Variants in RASEF observed in about 807,000 individuals in gnomAD.
The protein encoded by RASEF is ras and EF-hand domain-containing protein.
RASEF carries 68 observed loss-of-function variants against 90.1 expected under a neutral mutation model. That is an observed-to-expected ratio of 0.75 (90% CI 0.62 to 0.92). RASEF has a LOEUF of 0.92. Among genes scored for constraint, RASEF ranks in the 40% least tolerant of loss-of-function variants. RASEF has a pLI of 0.00. For synonymous variants in RASEF, 331 were observed against 345.2 expected, an observed-to-expected ratio of 0.96 and a Z score of 0.46; for missense variants, 949 against 937.2, an observed-to-expected ratio of 1.01 and a Z score of -0.16.
chr9:83,110,308 A>AC, the RASEF span, among the ~76,000 whole-genome samples: 1 of 152,020 alleles, frequency 6.6e-6, no homozygotes, highest in Non-Finnish European at 1.5e-5. Context: ...GGTTCTTATC[A>AC]CCCCTTCCCA....
the RASEF span, among the ~76,000 whole-genome samples, chr9:83,094,971 GA>G: frequency 5.9e-5 from 9 of 152,174 alleles, no homozygotes; most frequent in African/African-American, 2.2e-4. Flanking sequence ...TCAGACTGGT[GA>G]ATGTAGGGTC....
At chr9:83,165,714 C>G in the RASEF span, among the ~76,000 whole-genome samples, 2 of 152,018 alleles carry the variant, frequency 1.3e-5, no homozygotes, top group Non-Finnish European at 2.9e-5. Context: ...AAACCAAAAG[C>G]TGGTTCTGTG....
chr9:83,126,085 C>A, the RASEF span, among the ~76,000 whole-genome samples: 1 of 152,118 alleles, frequency 6.6e-6, no homozygotes, highest in Admixed American at 6.5e-5. Context: ...GCATTCATAT[C>A]CCTTGTTTCC....
the RASEF span, among the ~76,000 whole-genome samples, chr9:83,151,489 T>C: frequency 6.6e-6 from 1 of 152,180 alleles, no homozygotes; most frequent in Non-Finnish European, 1.5e-5. Flanking sequence ...GCCAGAGGAA[T>C]GGATGCCATT....
intron 16 of RASEF, among the ~76,000 whole-genome samples, chr9:82,985,969 T>TG (rs1828702831): frequency 6.6e-6 from 1 of 151,948 alleles, no homozygotes; most frequent in African/African-American, 2.4e-5. Flanking sequence ...GCGTTTCCGG[T>TG]GGGGGTTCAC....
At chr9:83,195,176 G>A in the RASEF span, among the ~76,000 whole-genome samples, 1 of 152,214 alleles carries the variant, frequency 6.6e-6, no homozygotes, top group African/African-American at 2.4e-5. Flanking sequence ...GCTTCATGCA[G>A]CTATGTGGCG....
intron 3 of RASEF, among the ~76,000 whole-genome samples, chr9:83,020,351 G>A (rs1338198176): frequency 6.6e-6 from 1 of 152,184 alleles, no homozygotes; most frequent in Non-Finnish European, 1.5e-5. Flanking sequence ...GCCAGGGCTG[G>A]GGGCGAAGAA....
the RASEF span, among the ~76,000 whole-genome samples, chr9:83,208,603 A>G: frequency 6.6e-6 from 1 of 152,188 alleles, no homozygotes; most frequent in Non-Finnish European, 1.5e-5. Flanking sequence ...GTTGTTCAGC[A>G]GACTCCTCCT....
At chr9:83,101,713 T>C in the RASEF span, among the ~76,000 whole-genome samples, 749 of 152,338 alleles carry the variant, frequency 4.9e-3, 7 homozygotes, top group African/African-American at 0.017. Flanking sequence ...AACACTGAAT[T>C]AGTGAATACT....
At chr9:82,992,046 A>G (rs747525377) in intron 15 of RASEF, among the ~76,000 whole-genome samples, 7 of 152,206 alleles carry the variant, frequency 4.6e-5, no homozygotes, top group Non-Finnish European at 8.8e-5. Flanking sequence ...TAGTTTTGAC[A>G]TTTATCACAT....
In RASEF at chr9:83,052,287, C is replaced by T. The variant is rs1318297942; in HGVS notation, c.431+10150G>A. ...TTTAGTCTTGGGAGGGTGTATGTGT[C>T]GAGGAATGTATCCATTTCTTCTAGA... is the stretch of plus-strand genomic sequence containing the variant. On this transcript the variant is annotated intron_variant, in intron 1 of 16. Coordinates refer to ENST00000376447, the MANE Select transcript of RASEF (RefSeq NM_152573.4). Among the ~76,000 whole-genome samples, 6 of 141,902 alleles carry T rather than the reference C, an allele frequency of 4.2e-5. 1 individual carries two copies. The highest frequency in any genetic ancestry group is 1.5e-4 in the African/African-American group (5 of 34,370). The allele number at this position is 141,902 out of a possible 152,430, so 93.1% of individuals were successfully genotyped here.
the RASEF span, among the ~76,000 whole-genome samples, chr9:83,182,049 C>A: frequency 1.3e-5 from 2 of 152,276 alleles, no homozygotes; most frequent in African/African-American, 4.8e-5. Context: ...ACTTGAATTG[C>A]ATTTCAGATG....
the RASEF span, among the ~76,000 whole-genome samples, chr9:83,195,368 G>T: frequency 6.6e-6 from 1 of 152,194 alleles, no homozygotes; most frequent in Non-Finnish European, 1.5e-5. Context: ...TTGTCTGACA[G>T]TCCAAAGGGT....
Position 82,993,060 on chromosome 9 carries a change from A to G in RASEF, c.1921-35T>C, listed in dbSNP as rs79366472. On this transcript the variant is annotated intron_variant, in intron 14 of 16. Transcript: ENST00000376447. ...AGAAAAAAAAAATGGGGCACACATC[A>G]AACACTGGACACATTACGATGACCA... 578 of 1,607,478 alleles carry G rather than the reference A, an allele frequency of 3.6e-4. 1 individual carries two copies. In the East Asian group the frequency reaches 0.012, roughly 34 times the overall value.
At chr9:83,025,719 G>C in intron 2 of RASEF, 56 bp downstream of exon 2, 1 of 1,565,000 alleles carries the variant, frequency 6.4e-7, no homozygotes, top group Non-Finnish European at 8.7e-7. Flanking sequence ...TGCCACCCAG[G>C]TCAGAGAGCA....
intron 15 of RASEF, 82 bp downstream of exon 15, chr9:82,992,824 G>A (rs1587478338): frequency 6.9e-7 from 1 of 1,456,806 alleles, no homozygotes; most frequent in Non-Finnish European, 9.4e-7. Flanking sequence ...TCAAGCAAAG[G>A]TAGACAAAAG....
At chr9:83,144,787 T>C in the RASEF span, among the ~76,000 whole-genome samples, 1 of 152,162 alleles carries the variant, frequency 6.6e-6, no homozygotes, top group Non-Finnish European at 1.5e-5. Flanking sequence ...GAAGAAGAGA[T>C]AAACCAGGGC....
At chr9:83,145,684 G>T in the RASEF span, among the ~76,000 whole-genome samples, 244 of 151,806 alleles carry the variant, frequency 1.6e-3, no homozygotes, top group African/African-American at 4.3e-3. Context: ...CTACAATTCA[G>T]TAAGATAAAA....
At chr9:83,048,294 G>A (rs901099318) in intron 1 of RASEF, 17 of 985,240 alleles carry the variant, frequency 1.7e-5, no homozygotes, top group Admixed American at 6.2e-5. Context: ...GCATGAAGGC[G>A]TCACTTCTCT....
Sources: allele counts gnomAD v4.1 joint callset (sites outside exome capture counted in the v4.1 genomes callset), GRCh38; gene constraint gnomAD v4.1.1; transcripts MANE v1.5; gene names NCBI Gene and HGNC (gene_info 2026-07-23, HGNC 2026-07-21).